EEF1E1: variants seen among roughly 807,000 people sequenced by gnomAD.
The protein encoded by EEF1E1 is eukaryotic translation elongation factor 1 epsilon-1.
In EEF1E1, 19 loss-of-function variants were observed where a neutral mutation model predicts 19.9. The ratio of observed to expected loss-of-function variants is 0.95; its 90% CI spans 0.66 to 1.40. EEF1E1 has a LOEUF of 1.40. Ranked by LOEUF, EEF1E1 falls within the 40% of genes most tolerant of loss-of-function variation. EEF1E1 has a pLI of 0.00. For missense variants in EEF1E1, 198 were observed against 202.2 expected, an observed-to-expected ratio of 0.98 and a Z score of 0.13; for synonymous variants, 81 against 80.0, an observed-to-expected ratio of 1.01 and a Z score of -0.07.
At chr6:8,086,135 AAAGTC>A in intron 3 of EEF1E1, among the ~76,000 whole-genome samples, 1 of 152,298 alleles carries the variant, frequency 6.6e-6, no homozygotes, top group South Asian at 2.1e-4. Flanking sequence ...AATTCAGAAT[AAAGTC>A]AAGTAAATTC....
chr6:8,088,862 C>T (rs539214556), intron 3 of EEF1E1, among the ~76,000 whole-genome samples: 2 of 149,918 alleles, frequency 1.3e-5, no homozygotes, highest in East Asian at 2.0e-4. Context: ...GAGGAAGGCT[C>T]GGTGATAAGG....
chr6:8,076,582 C>G (rs1392107291), downstream of EEF1E1, among the ~76,000 whole-genome samples: 6 of 151,760 alleles, frequency 4.0e-5, no homozygotes, highest in Non-Finnish European at 5.9e-5. Flanking sequence ...CTCGGCCTCC[C>G]AAAGTGCTGG....
chr6:8,092,868 GCT>G (rs543919375), intron 2 of EEF1E1, among the ~76,000 whole-genome samples: 7,860 of 107,564 alleles, frequency 0.073, 750 homozygotes, highest in East Asian at 0.19. Context: ...GATAAAGACT[GCT>G]TTTTTTTTTT....
At chr6:8,100,058 T>C (rs1758306837) in intron 1 of EEF1E1, among the ~76,000 whole-genome samples, 1 of 152,168 alleles carries the variant, frequency 6.6e-6, no homozygotes, top group South Asian at 2.1e-4. Flanking sequence ...TCTTATCACA[T>C]ATGGCCAACC....
chr6:8,087,954 C>T lies in EEF1E1; in HGVS notation c.384+2232G>A, dbSNP rs186587688. Reference sequence around the variant, plus strand: ...TGGGGAGTTGAGCCAAGCTTGTAGGCAGAGAGATGGTCATAACAAAGCACA... The same window carrying T: ...TGGGGAGTTGAGCCAAGCTTGTAGGTAGAGAGATGGTCATAACAAAGCACA... On this transcript the variant is annotated intron_variant, in intron 3 of 3. Transcript: ENST00000379715. Among the ~76,000 whole-genome samples the T allele has an allele frequency of 1.7e-4, 26 of 152,224 alleles. 1 individual carries two copies. Among genetic ancestry groups the T allele is most frequent in the Admixed American group, 1.5e-3 (23 of 15,282 alleles).
intron 2 of EEF1E1, 35 bp from the exon 3 acceptor site, chr6:8,090,316 A>G: frequency 7.4e-7 from 1 of 1,347,972 alleles, no homozygotes; most frequent in Non-Finnish European, 9.8e-7. Flanking sequence ...ATATTAATGT[A>G]AAAAACAGTA....
At chr6:8,076,945 TTG>T (rs1489665582), downstream of EEF1E1, among the ~76,000 whole-genome samples, 17,683 of 115,942 alleles carry the variant, frequency 0.15, 1,486 homozygotes, top group East Asian at 0.42. Flanking sequence ...GTTTTTGTTT[TTG>T]TTTTTTTTTT....
chr6:8,081,347 C>T (rs534572728), intron 3 of EEF1E1, among the ~76,000 whole-genome samples: 1 of 152,296 alleles, frequency 6.6e-6, no homozygotes, highest in Admixed American at 6.5e-5. Flanking sequence ...GTCCATGGCA[C>T]AGAGATAAAT....
rs1424344968 is a variant in EEF1E1, at chr6:8,079,959, A to G, written c.456T>C (p.Tyr152=). 2 of 1,613,682 alleles carry G rather than the reference A, an allele frequency of 1.2e-6. No individual in the cohort carries two copies. Among genetic ancestry groups the G allele is most frequent in the South Asian group, 2.2e-5 (2 of 91,060 alleles). Reference sequence around the variant, plus strand: ...TAGACAGATGTTGCCTGATGCCTGGATAATGCTGAATGTGACAAAACCAGC... The same window carrying G: ...TAGACAGATGTTGCCTGATGCCTGGGTAATGCTGAATGTGACAAAACCAGC... The part of the protein sequence containing the change: ...VSRWFCHIQH[Y]PGIRQHLSSV... The change falls in exon 4 of 4, where the codon TAT becomes TAC. Residue 152 remains tyrosine, a synonymous_variant. Transcript: ENST00000379715.
intron 1 of EEF1E1, among the ~76,000 whole-genome samples, chr6:8,099,920 A>G (rs962332017): frequency 3.3e-5 from 5 of 152,090 alleles, no homozygotes; most frequent in African/African-American, 1.2e-4. Flanking sequence ...ACCATAATTT[A>G]AAGAATCAAT....
chr6:8,101,078 T>C (rs1433859215), intron 1 of EEF1E1, among the ~76,000 whole-genome samples: 1 of 148,872 alleles, frequency 6.7e-6, no homozygotes, highest in Admixed American at 6.8e-5. Context: ...ATACAAAAAT[T>C]AGCTGAGCGT....
At chr6:8,079,287 C>A (rs995133746), downstream of EEF1E1, 2 of 513,140 alleles carry the variant, frequency 3.9e-6, no homozygotes, top group Non-Finnish European at 5.0e-6. Flanking sequence ...AAAAAAGAAT[C>A]ATTAACTCAA....
intron 3 of EEF1E1, among the ~76,000 whole-genome samples, chr6:8,088,306 G>A (rs1757922046): frequency 6.6e-6 from 1 of 152,164 alleles, no homozygotes; most frequent in Non-Finnish European, 1.5e-5. Flanking sequence ...AGGGGCAGGA[G>A]GCAGAGAGGA....
At chr6:8,089,422 G>C (rs1413811806) in intron 3 of EEF1E1, among the ~76,000 whole-genome samples, 3 of 152,152 alleles carry the variant, frequency 2.0e-5, no homozygotes, top group Non-Finnish European at 4.4e-5. Flanking sequence ...TTCAGGCTGA[G>C]GAGCAAGGAG....
At chr6:8,095,202 C>G (rs896721627) in intron 2 of EEF1E1, among the ~76,000 whole-genome samples, 1 of 151,768 alleles carries the variant, frequency 6.6e-6, no homozygotes, top group African/African-American at 2.4e-5. Context: ...TGTCGGTGAA[C>G]AAAAAAACAG....
chr6:8,100,698 T>G (rs1182682546), intron 1 of EEF1E1, among the ~76,000 whole-genome samples: 4 of 152,000 alleles, frequency 2.6e-5, no homozygotes, highest in Non-Finnish European at 4.4e-5. Flanking sequence ...AGCTCCTCTC[T>G]TACTAACTTG....
downstream of EEF1E1, among the ~76,000 whole-genome samples, chr6:8,074,764 C>A (rs941528771): frequency 6.6e-6 from 1 of 152,198 alleles, no homozygotes. Flanking sequence ...CTTCATCTTT[C>A]GACCATCCCT....
At chr6:8,098,673 G>C (rs116689114) in intron 1 of EEF1E1, among the ~76,000 whole-genome samples, 1 of 152,126 alleles carries the variant, frequency 6.6e-6, no homozygotes, top group Non-Finnish European at 1.5e-5. Flanking sequence ...TAAATTAAAT[G>C]TATTGAAAGA....
chr6:8,102,373 C>A lies in EEF1E1; in HGVS notation c.87+62G>T, dbSNP rs1421592404. The A allele has an allele frequency of 3.3e-6, 5 of 1,532,548 alleles. No individual in the cohort carries two copies. The East Asian group carries it at 9.2e-5, about 28-fold the overall frequency. The allele number at this position is 1,532,548 out of a possible 1,614,324, so 94.9% of individuals were successfully genotyped here. A position where few individuals can be genotyped will look rare whatever the true frequency, so the allele number is the denominator to read the frequency against. ...ATCTGGTGGCCGGCCCGGGTCCTGC[C>A]AGGGCTCGGCAGGCCCCGCTCCCGT... On this transcript the variant is annotated intron_variant, in intron 1 of 3. Transcript: ENST00000379715.
Sources: gnomAD v4.1 joint callset for allele counts (sites outside exome capture counted in the v4.1 genomes callset) on GRCh38, gnomAD v4.1.1 for gene constraint, MANE v1.5 for transcripts, NCBI Gene and HGNC (gene_info 2026-07-23, HGNC 2026-07-21) for gene names.